PTPRD: variants seen among roughly 807,000 people sequenced by gnomAD.
PTPRD encodes protein tyrosine phosphatase receptor type D.
In PTPRD, 34 loss-of-function variants were observed where a neutral mutation model predicts 214.5. The observed-to-expected ratio is 0.16, with a 90% CI of 0.12 to 0.21. The LOEUF is 0.21. PTPRD is among the 10% of genes least tolerant of loss of function. PTPRD has a pLI of 1.00. For missense variants in PTPRD, 2,545 were observed against 2,398.7 expected, an observed-to-expected ratio of 1.06 and a Z score of -1.27; for synonymous variants, 1,128 against 845.7, an observed-to-expected ratio of 1.33 and a Z score of -5.79.
intron 8 of PTPRD, among the ~76,000 whole-genome samples, chr9:9,414,128 C>T (rs1279695210): frequency 6.6e-6 from 1 of 152,252 alleles, no homozygotes; most frequent in Non-Finnish European, 1.5e-5. Flanking sequence ...ACAATCCAAA[C>T]TCTTCAATTA....
chr9:9,945,814 T>A (rs1055737545), intron 4 of PTPRD, among the ~76,000 whole-genome samples: 3 of 152,098 alleles, frequency 2.0e-5, no homozygotes, highest in African/African-American at 4.8e-5. Flanking sequence ...CAATAGACCA[T>A]GTTCTCTGAC....
chr9:9,700,924 A>G (rs1040605561), intron 7 of PTPRD, among the ~76,000 whole-genome samples: 2 of 152,120 alleles, frequency 1.3e-5, no homozygotes, highest in Admixed American at 6.5e-5. Context: ...CCATTACAAT[A>G]CTAGGTGTTA....
chr9:10,125,173 G>C lies in PTPRD; in HGVS notation c.-544-91383C>G, dbSNP rs186755992. 7.1e-4 allele frequency among the ~76,000 whole-genome samples: 108 copies of C among 152,080 alleles called. 1 individual carries two copies. Among genetic ancestry groups the C allele is most frequent in the Admixed American group, 1.2e-3 (18 of 15,278 alleles). On this transcript the variant is annotated intron_variant, in intron 3 of 45. Transcript: ENST00000381196. The stretch of plus-strand genomic sequence containing the variant: ...AAAGTAGGAGTTGTACAAACTTAAA[G>C]GTGGGAGCTCTGTGCAAGACAATAT...
chr9:9,632,977 G>A (rs559563152), intron 7 of PTPRD, among the ~76,000 whole-genome samples: 2 of 152,088 alleles, frequency 1.3e-5, no homozygotes, highest in South Asian at 4.1e-4. Context: ...AAATGGGAAG[G>A]TATGAGACAA....
chr9:9,446,908 G>GA (rs1407790287), intron 8 of PTPRD, among the ~76,000 whole-genome samples: 1 of 152,004 alleles, frequency 6.6e-6, no homozygotes, highest in East Asian at 1.9e-4. Context: ...AGAAGCATAT[G>GA]AAAAAAAGCT....
At chr9:9,588,284 C>T (rs1298724814) in intron 7 of PTPRD, among the ~76,000 whole-genome samples, 2 of 151,894 alleles carry the variant, frequency 1.3e-5, no homozygotes, top group African/African-American at 4.8e-5. Context: ...AAATGACCTG[C>T]TGATTTCAGT....
At chr9:10,469,687 T>C (rs1035368581) in intron 2 of PTPRD, among the ~76,000 whole-genome samples, 1 of 152,022 alleles carries the variant, frequency 6.6e-6, no homozygotes, top group African/African-American at 2.4e-5. Context: ...AAAAACTGCA[T>C]ATAAAAGAGT....
intron 9 of PTPRD, among the ~76,000 whole-genome samples, chr9:9,216,072 T>A (rs897606437): frequency 6.6e-5 from 10 of 152,132 alleles, no homozygotes; most frequent in African/African-American, 2.4e-4. Flanking sequence ...GAATTTTGAT[T>A]CCATTCCTTA....
intron 5 of PTPRD, among the ~76,000 whole-genome samples, chr9:9,874,560 T>G (rs1211052616): frequency 6.6e-6 from 1 of 152,212 alleles, no homozygotes; most frequent in Admixed American, 6.5e-5. Context: ...AAAATGTATT[T>G]GAATTAGAAA....
At position 10,030,139 on chromosome 9, in the gene PTPRD, G is replaced by A. The variant is rs577876210; in HGVS notation, c.-472+3579C>T. Among the ~76,000 whole-genome samples the A allele has an allele frequency of 3.4e-4, 51 of 152,216 alleles. 1 individual carries two copies. The South Asian group carries it at 6.8e-3, about 20-fold the overall frequency. On this transcript the variant is annotated intron_variant, in intron 4 of 45. Transcript: ENST00000381196. ...TGTGGCACTGTAAGTCTCTGAAACC[G>A]CTTTCTTTTGTAAATTGCCACAGTC... is the stretch of plus-strand genomic sequence containing the variant.
chr9:10,194,300 A>G (rs1310794983), intron 3 of PTPRD, among the ~76,000 whole-genome samples: 4 of 146,740 alleles, frequency 2.7e-5, no homozygotes, highest in Non-Finnish European at 6.0e-5. Flanking sequence ...CCATTTGCTG[A>G]GCATCATATA....
At chr9:10,152,860 G>C (rs1459294374) in intron 3 of PTPRD, among the ~76,000 whole-genome samples, 1 of 151,488 alleles carries the variant, frequency 6.6e-6, no homozygotes, top group Non-Finnish European at 1.5e-5. Context: ...TCTGACATTT[G>C]TGACAGCATG....
At chr9:10,342,410 G>A (rs7856548) in intron 2 of PTPRD, among the ~76,000 whole-genome samples, 1 of 151,808 alleles carries the variant, frequency 6.6e-6, no homozygotes. Flanking sequence ...ATACATTTAG[G>A]ATAAAACATG....
intron 10 of PTPRD, among the ~76,000 whole-genome samples, chr9:9,164,979 G>A (rs1235572421): frequency 6.6e-6 from 1 of 150,572 alleles, no homozygotes; most frequent in Non-Finnish European, 1.5e-5. Flanking sequence ...CTTAACCCAA[G>A]AGGCAGAGGT....
intron 35 of PTPRD, among the ~76,000 whole-genome samples, chr9:8,421,612 C>T (rs1287324596): frequency 6.6e-6 from 1 of 152,136 alleles, no homozygotes; most frequent in Non-Finnish European, 1.5e-5. Flanking sequence ...CTGTATCACC[C>T]TAATCTTGGC....
chr9:10,588,046 T>C (rs1231700457), intron 2 of PTPRD, among the ~76,000 whole-genome samples: 1 of 152,084 alleles, frequency 6.6e-6, no homozygotes, highest in Non-Finnish European at 1.5e-5. Context: ...AAGACAATGC[T>C]GTGTAAGTTC....
chr9:10,130,223 T>TTCCAATTG (rs1316451725), intron 3 of PTPRD, among the ~76,000 whole-genome samples: 56 of 151,544 alleles, frequency 3.7e-4, no homozygotes, highest in Non-Finnish European at 8.8e-5. Context: ...AATATTCACA[T>TTCCAATTG]TCCAATTGAG....
At chr9:9,167,931 C>T (rs2099907407) in intron 10 of PTPRD, among the ~76,000 whole-genome samples, 1 of 152,094 alleles carries the variant, frequency 6.6e-6, no homozygotes, top group African/African-American at 2.4e-5. Flanking sequence ...TTAGAAAGCT[C>T]CCTCTCACAT....
intron 7 of PTPRD, among the ~76,000 whole-genome samples, chr9:9,720,971 G>C (rs915250819): frequency 9.2e-5 from 14 of 152,120 alleles, no homozygotes; most frequent in African/African-American, 2.9e-4. Context: ...CAACACACTG[G>C]AGACTATTTG....
Sources: gnomAD v4.1 joint callset for allele counts (sites outside exome capture counted in the v4.1 genomes callset) on GRCh38, gnomAD v4.1.1 for gene constraint, MANE v1.5 for transcripts, NCBI Gene and HGNC (gene_info 2026-07-23, HGNC 2026-07-21) for gene names.